PLPPR3: variants seen among roughly 807,000 people sequenced by gnomAD.
PLPPR3 encodes phospholipid phosphatase-related protein type 3.
A neutral mutation model predicts 27.3 loss-of-function variants in PLPPR3; 14 were observed. The ratio of observed to expected loss-of-function variants is 0.51; its 90% CI spans 0.34 to 0.80. The LOEUF is 0.80. PLPPR3 is among the 30% of genes least tolerant of loss of function. The probability of loss-of-function intolerance (pLI) is 0.01; values close to 1 mark genes in which losing one functional copy is unlikely to be tolerated. For synonymous variants in PLPPR3, 671 were observed against 508.0 expected (o/e 1.32, Z -4.32); for missense variants, 1,287 against 1,056.9 (o/e 1.22, Z -3.02).
At chr19:816,845 C>T (rs1014534758) in intron 2 of PLPPR3, among the ~76,000 whole-genome samples, 1 of 151,834 alleles carries the variant, frequency 6.6e-6, no homozygotes, top group African/African-American at 2.4e-5. Context: ...ATTCATTCAT[C>T]TATCCATTCA....
chr19:814,259 T>TG (rs2035010968), intron 7 of PLPPR3, among the ~76,000 whole-genome samples, 175 bp downstream of exon 7: 1 of 46,208 alleles, frequency 2.2e-5, no homozygotes, highest in African/African-American at 9.6e-5. Flanking sequence ...CCAGAACCCC[T>TG]GGGAACCATG....
intron 2 of PLPPR3, among the ~76,000 whole-genome samples, chr19:818,169 G>A (rs912279700): frequency 1.5e-4 from 23 of 152,120 alleles, no homozygotes; most frequent in African/African-American, 5.6e-4. Flanking sequence ...GATCACCTGA[G>A]GTCAGGAGTT....
intron 7 of PLPPR3, 124 bp from the exon 8 acceptor site, chr19:814,019 G>C (rs1230713082): frequency 2.1e-6 from 2 of 932,072 alleles, no homozygotes; most frequent in African/African-American, 1.7e-5. Context: ...TGTCCAGTGG[G>C]ACCGGTTCCC....
rs139915555 is a variant in PLPPR3 at position 816,031 on chromosome 19, G to A, written c.76-180C>T. Among the ~76,000 whole-genome samples the A allele has an allele frequency of 9.9e-3, 1,496 of 151,570 alleles. 20 individuals carry two copies. The highest frequency in any genetic ancestry group is 0.034 in the African/African-American group (1,421 of 41,262). ...TCCACAGATGCTCCATCTGTAACTCGACCATCTACACATCACACACCCACT... is the reference window on the plus strand; with the variant it reads ...TCCACAGATGCTCCATCTGTAACTCAACCATCTACACATCACACACCCACT... On this transcript the variant is annotated intron_variant, in intron 2 of 7. Transcript: ENST00000520876.
intron 1 of PLPPR3, 46 bp downstream of exon 1, chr19:821,869 C>G (rs905552784): frequency 8.3e-6 from 2 of 239,666 alleles, no homozygotes; most frequent in African/African-American, 4.6e-5. Context: ...GGGTTCCGGG[C>G]GGCGGAGGAG....
rs745782896 is a variant in PLPPR3 at position 815,681 on chromosome 19, C to T, written c.246G>A (p.Ala82=). The T allele has an allele frequency of 1.9e-4, 301 of 1,591,050 alleles. 1 individual carries two copies. Among genetic ancestry groups the T allele is most frequent in the Non-Finnish European group, 2.5e-4 (290 of 1,170,270 alleles). Residue 82 remains alanine (A), a synonymous_variant, in exon 3 of 8, where the codon GCG becomes GCA. Transcript: ENST00000520876. The part of the protein sequence containing the change: ...PLLMLLSLAF[A]APAASIMVAE... Reference sequence around the variant, plus strand: ...AGGTGCTCACCGAGGCGGCAGGGGCCGCGAAGGCCAAGCTGAGCAGCATCA... The same window carrying T: ...AGGTGCTCACCGAGGCGGCAGGGGCTGCGAAGGCCAAGCTGAGCAGCATCA...
rs2035145590 is a variant in PLPPR3, at chr19:821,532, T to C, written c.28A>G (p.Ile10Val). ...AGAAGCGTCATGCTGTCCTTCGGGATCTTGTTCTTCTCCTTGGTGGAGATC... is the reference window on the plus strand; with the variant it reads ...AGAAGCGTCATGCTGTCCTTCGGGACCTTGTTCTTCTCCTTGGTGGAGATC... MISTKEKNK[I>V]PKDSMTLLPC... Residue 10 changes from isoleucine (I) to valine (V), a missense_variant, in exon 2 of 8, where the codon ATC (isoleucine) becomes GTC (valine). By Grantham distance (29) the Ile-to-Val change is conservative. Transcript: ENST00000520876. 6.7e-7 allele frequency: 1 copy of C among 1,503,310 alleles called. No individual in the cohort carries two copies. Among genetic ancestry groups the C allele is most frequent in the Non-Finnish European group, 8.9e-7 (1 of 1,123,750 alleles). The allele number at this position is 1,503,310 out of a possible 1,614,324, so 93.1% of individuals were successfully genotyped here.
chr19:815,398 G>A (rs1381346890), intron 3 of PLPPR3, 71 bp from the exon 4 acceptor site: 1 of 1,465,938 alleles, frequency 6.8e-7, no homozygotes, highest in Non-Finnish European at 9.0e-7. Context: ...GCTCCCATCT[G>A]CAGTGCCCAC....
chr19:820,039 G>A (rs1052086132), intron 2 of PLPPR3, among the ~76,000 whole-genome samples: 8 of 152,076 alleles, frequency 5.3e-5, no homozygotes, highest in African/African-American at 1.4e-4. Context: ...GTAGAGATGG[G>A]TTTTTGCCAT....
chr19:813,098 G>T lies in PLPPR3; in HGVS notation c.1629C>A (p.Ser543=). The T allele has an allele frequency of 6.7e-7, 1 of 1,502,006 alleles. No individual in the cohort carries two copies. The highest frequency in any genetic ancestry group is 8.8e-7 in the Non-Finnish European group (1 of 1,136,536). The allele number at this position is 1,502,006 out of a possible 1,614,324, so 93.0% of individuals were successfully genotyped here. A position where few individuals can be genotyped will look rare whatever the true frequency, so the allele number is the denominator to read the frequency against. ...PPRLLQVIAM[S]KAPGAPGPKA... is the part of the protein sequence containing the mutation. ...TGGGGCCCGGCGCGCCCGGAGCCTT[G>T]GACATGGCGATGACCTGCAGCAGCC... The change falls in exon 8 of 8, where the codon TCC becomes TCA. Residue 543 remains serine, a synonymous_variant. Coordinates refer to ENST00000520876, the MANE Select transcript of PLPPR3 (RefSeq NM_001270366.2). This position sits in a 1 kb window ranked among gnomAD's most constrained non-coding sequence, Gnocchi z 4.1.
At chr19:814,142 TC>T (rs1301052057) in intron 7 of PLPPR3, among the ~76,000 whole-genome samples, 2 of 150,924 alleles carry the variant, frequency 1.3e-5, no homozygotes, top group Non-Finnish European at 2.9e-5. Context: ...TAAGACCCCT[TC>T]GGGACCCACG....
chr19:814,831 T>C lies in PLPPR3; in HGVS notation c.599+55A>G. 18 of 1,581,866 alleles carry C rather than the reference T, an allele frequency of 1.1e-5. 1 individual carries two copies. In the South Asian group the frequency reaches 2.0e-4, roughly 18 times the overall value. On this transcript the variant is annotated intron_variant, in intron 5 of 7. Coordinates refer to ENST00000520876, the MANE Select transcript of PLPPR3 (RefSeq NM_001270366.2). ...CTCTCTGTGTCTCTGTTTCCCCGCA[T>C]GTTCACCGGGGCGGAAGAAGGCTCC...
chr19:814,533 G>A lies in PLPPR3; in HGVS notation c.732C>T (p.Ala244=), dbSNP rs201523213. Residue 244 remains alanine (A), a synonymous_variant, in exon 7 of 8, where the codon GCC becomes GCT. Transcript: ENST00000520876. ...TCTGCGTGAGCCCGCATACGCCCGCGGCGATGGCAAAGGCGAAGACCAGGA... is the reference window on the plus strand; with the variant it reads ...TCTGCGTGAGCCCGCATACGCCCGCAGCGATGGCAAAGGCGAAGACCAGGA... The part of the protein sequence containing the change: ...KPILVFAFAI[A]AGVCGLTQIT... The A allele has an allele frequency of 4.5e-5, 73 of 1,611,930 alleles. No individual in the cohort carries two copies. The East Asian group carries it at 6.0e-4, about 13-fold the overall frequency.
chr19:813,395 TTCCTCCTCC>T lies in PLPPR3; in HGVS notation c.1323_1331del (p.Glu445_Glu447del). ...CCTCTTCCTCTTCGTCCTCCTCCTCTTCCTCCTCCTCCGCCATGGGTTCGGCGGGCGCGC... is the reference window on the plus strand; with the variant it reads ...CCTCTTCCTCTTCGTCCTCCTCCTCTTCCGCCATGGGTTCGGCGGGCGCGC... On this transcript the variant is annotated inframe_deletion, in exon 8 of 8. Transcript: ENST00000520876. The surrounding 1 kb of genome is among the most constrained non-coding windows in gnomAD (Gnocchi z 4.1). 1 of 1,501,656 alleles carries T rather than the reference TTCCTCCTCC, an allele frequency of 6.7e-7. No individual in the cohort carries two copies. Among genetic ancestry groups the T allele is most frequent in the Non-Finnish European group, 8.8e-7 (1 of 1,133,270 alleles). The allele number at this position is 1,501,656 out of a possible 1,614,324, so 93.0% of individuals were successfully genotyped here.
upstream of PLPPR3, among the ~76,000 whole-genome samples, chr19:823,551 G>C (rs1032003366): frequency 2.0e-5 from 3 of 152,230 alleles, no homozygotes; most frequent in Admixed American, 1.3e-4. Context: ...AGGGTCGCCT[G>C]CCATAAATGC....
chr19:814,857 C>A (rs1264811750), intron 5 of PLPPR3, 29 bp downstream of exon 5: 1 of 1,598,526 alleles, frequency 6.3e-7, no homozygotes, highest in South Asian at 1.1e-5. Context: ...AGAAGGCTCC[C>A]AGTCAGGGGA....
At chr19:822,297 G>T (rs1342250401), upstream of PLPPR3, among the ~76,000 whole-genome samples, 3 of 151,514 alleles carry the variant, frequency 2.0e-5, no homozygotes, top group African/African-American at 7.3e-5. Flanking sequence ...GGGCGGAGGC[G>T]GGGGCGGGGG....
At position 813,412 on chromosome 19, in the gene PLPPR3, T is replaced by A. The variant is rs1283310574; in HGVS notation, c.1315A>T (p.Met439Leu). 6.6e-7 allele frequency: 1 copy of A among 1,503,976 alleles called. No individual in the cohort carries two copies. Among genetic ancestry groups the A allele is most frequent in the South Asian group, 1.3e-5 (1 of 79,824 alleles). The allele number at this position is 1,503,976 out of a possible 1,614,324, so 93.2% of individuals were successfully genotyped here. Residue 439 changes from methionine to leucine, a missense_variant, in exon 8 of 8, where the codon ATG becomes TTG. By Grantham distance (15) the Met-to-Leu change is conservative. Coordinates refer to ENST00000520876, the MANE Select transcript of PLPPR3 (RefSeq NM_001270366.2). This position sits in a 1 kb window ranked among gnomAD's most constrained non-coding sequence, Gnocchi z 4.1. ...PGHLRAPAEP[M>L]AEEEEEEEDE... Reference sequence around the variant, plus strand: ...TCCTCCTCTTCCTCCTCCTCCGCCATGGGTTCGGCGGGCGCGCGCAGGTGC... The same window carrying A: ...TCCTCCTCTTCCTCCTCCTCCGCCAAGGGTTCGGCGGGCGCGCGCAGGTGC...
rs1258117905 is a variant in PLPPR3, at chr19:812,621, C to T, written c.2106G>A (p.Ala702=). Residue 702 remains alanine, a synonymous_variant, in exon 8 of 8, where the codon GCG becomes GCA. Transcript: ENST00000520876. ...TCTTGCGGAAGTAGCCCTCGGCCTCCGCCTCCGCCTCGCGCTCCGCCAGCC... is the reference window on the plus strand; with the variant it reads ...TCTTGCGGAAGTAGCCCTCGGCCTCTGCCTCCGCCTCGCGCTCCGCCAGCC... ...GLGLAEREAE[A]EAEGYFRKMQ... is the part of the protein sequence containing the mutation. 4.5e-6 allele frequency: 5 copies of T among 1,118,010 alleles called. No homozygotes were observed. Among genetic ancestry groups the T allele is most frequent in the African/African-American group, 1.7e-5 (1 of 58,256 alleles). 69.3% of individuals were successfully genotyped at this position (1,118,010 alleles called of 1,614,324 possible).
Sources: allele counts gnomAD v4.1 joint callset (sites outside exome capture counted in the v4.1 genomes callset), GRCh38; gene constraint gnomAD v4.1.1; non-coding constraint Gnocchi (gnomAD v3.1); transcripts MANE v1.5; gene names NCBI Gene and HGNC (gene_info 2026-07-23, HGNC 2026-07-21).